The following GSR variants were observed in gnomAD, a reference collection of about 807,000 sequenced individuals.
GSR encodes glutathione-disulfide reductase.
Under a neutral mutation model 56.5 loss-of-function variants are expected in GSR, and 48 were observed. The ratio of observed to expected loss-of-function variants is 0.85; its 90% CI spans 0.67 to 1.08. The LOEUF (loss-of-function observed/expected upper bound fraction) is 1.08. GSR is among the 50% of genes least tolerant of loss of function. The pLI is 0.00. For missense variants in GSR, 694 were observed against 703.3 expected, an observed-to-expected ratio of 0.99 and a Z score of 0.15; for synonymous variants, 264 against 270.8, an observed-to-expected ratio of 0.97 and a Z score of 0.25.
At chr8:30,691,708 C>T (rs1048738352) in intron 8 of GSR, among the ~76,000 whole-genome samples, 27 of 151,338 alleles carry the variant, frequency 1.8e-4, no homozygotes, top group Admixed American at 1.4e-3. Flanking sequence ...AAATTAGATT[C>T]CATAATATTT....
Position 30,709,667 on chromosome 8 carries a change from TGTATACTTAAAA to T in GSR, c.422+135_422+146del, listed in dbSNP as rs1316558617. 3 of 694,076 alleles carry T rather than the reference TGTATACTTAAAA, an allele frequency of 4.3e-6. No homozygotes were observed. The Admixed American group carries it at 6.2e-5, about 14-fold the overall frequency. The allele number at this position is 694,076 out of a possible 1,614,324, so 43.0% of individuals were successfully genotyped here. A position where few individuals can be genotyped will look rare whatever the true frequency, so the allele number is the denominator to read the frequency against. On this transcript the variant is annotated intron_variant, in intron 3 of 12. Coordinates refer to ENST00000221130, the MANE Select transcript of GSR (RefSeq NM_000637.5). The stretch of plus-strand genomic sequence containing the variant: ...GTGAATGCGCTTAATGGCACTCAAT[TGTATACTTAAAA>T]ATGGCTAAACTGTAAATCTCGTATT...
At chr8:30,721,640 G>A (rs1200195081) in intron 1 of GSR, among the ~76,000 whole-genome samples, 2 of 141,364 alleles carry the variant, frequency 1.4e-5, no homozygotes, top group African/African-American at 5.0e-5. Flanking sequence ...GTGACAGAGT[G>A]AGACTTCGTG....
At chr8:30,724,565 T>TTTTTTG in intron 1 of GSR, among the ~76,000 whole-genome samples, 2 of 148,806 alleles carry the variant, frequency 1.3e-5, no homozygotes, top group Admixed American at 6.8e-5. Flanking sequence ...TTTTTTTTTT[T>TTTTTTG]TGAGACAGAG....
rs1469868804 is a variant in GSR at position 30,680,451 on chromosome 8, G to A, written c.1419+453C>T. ...GCTTTGTCTCCCAGGCTGGAGGGCA[G>A]TAGCATGATCTTGGCTCACTGCAAC... On this transcript the variant is annotated intron_variant, in intron 12 of 12. Coordinates refer to ENST00000221130, the MANE Select transcript of GSR (RefSeq NM_000637.5). Among the ~76,000 whole-genome samples, 3 of 133,298 alleles carry A rather than the reference G, an allele frequency of 2.3e-5. No individual in the cohort carries two copies. In the South Asian group the frequency reaches 7.9e-4, roughly 35 times the overall value. The allele number at this position is 133,298 out of a possible 152,430, so 87.4% of individuals were successfully genotyped here.
chr8:30,724,609 C>T lies in GSR; in HGVS notation c.306+2921G>A, dbSNP rs1452704393. ...TGTTGCCCACACTGGAGTGCAGAGG[C>T]ATGATCTTGGCTCACTGCAACCTCT... On this transcript the variant is annotated intron_variant, in intron 1 of 12. Transcript: ENST00000221130. Among the ~76,000 whole-genome samples the T allele has an allele frequency of 3.3e-5, 4 of 122,420 alleles. 1 individual carries two copies. In the South Asian group the frequency reaches 1.1e-3, roughly 34 times the overall value. The allele number at this position is 122,420 out of a possible 152,430, so 80.3% of individuals were successfully genotyped here. A position where few individuals can be genotyped will look rare whatever the true frequency, so the allele number is the denominator to read the frequency against.
intron 4 of GSR, among the ~76,000 whole-genome samples, chr8:30,705,131 T>TAA (rs201274639): frequency 6.9e-6 from 1 of 144,366 alleles, no homozygotes; most frequent in Non-Finnish European, 1.5e-5. Flanking sequence ...TCAGCTCCAT[T>TAA]AAAAAAAAAA....
intron 5 of GSR, among the ~76,000 whole-genome samples, chr8:30,701,419 TCC>T (rs1803736525): frequency 6.6e-6 from 1 of 151,482 alleles, no homozygotes. Context: ...TGAGCCAAGA[TCC>T]TCCCATTGCA....
chr8:30,695,465 C>T (rs993062785), intron 7 of GSR, among the ~76,000 whole-genome samples: 6 of 152,006 alleles, frequency 3.9e-5, no homozygotes, highest in South Asian at 2.1e-4. Context: ...AACTCCTGAC[C>T]TCAAGTGATC....
At chr8:30,681,240 AAAAG>A (rs1435926528) in intron 11 of GSR, among the ~76,000 whole-genome samples, 2 of 152,206 alleles carry the variant, frequency 1.3e-5, no homozygotes, top group African/African-American at 4.8e-5. Flanking sequence ...CCTCTAGATG[AAAAG>A]AAAGGCCAGG....
At chr8:30,690,131 TA>T (rs201813500) in intron 8 of GSR, among the ~76,000 whole-genome samples, 1,538 of 140,516 alleles carry the variant, frequency 0.011, 16 homozygotes, top group Non-Finnish European at 0.017. Flanking sequence ...TTTATATAAA[TA>T]TACATTTACA....
At position 30,689,422 on chromosome 8, in the gene GSR, A is replaced by C. The variant is rs1197330056; in HGVS notation, c.883-103T>G. 3.2e-6 allele frequency: 3 copies of C among 943,102 alleles called. No homozygotes were observed. The African/African-American group carries it at 4.8e-5, about 15-fold the overall frequency. 58.4% of individuals were successfully genotyped at this position (943,102 alleles called of 1,614,324 possible). ...AAACTAGAATTTTTAACATTAAAGAAAATCCCTACTGAATCCCACATACAA... is the reference window on the plus strand; with the variant it reads ...AAACTAGAATTTTTAACATTAAAGACAATCCCTACTGAATCCCACATACAA... On this transcript the variant is annotated intron_variant, in intron 8 of 12. Coordinates refer to ENST00000221130, the MANE Select transcript of GSR (RefSeq NM_000637.5).
At position 30,680,809 on chromosome 8, in the gene GSR, C is replaced by T; in HGVS notation, c.1419+95G>A. On this transcript the variant is annotated intron_variant, in intron 12 of 12. Coordinates refer to ENST00000221130, the MANE Select transcript of GSR (RefSeq NM_000637.5). ...GCCTGTCCAGTTGAATCAGAAGGCT[C>T]AACTGCTTGGTCTCCCTCCTTTCCA... 6.3e-6 allele frequency: 7 copies of T among 1,112,248 alleles called. No individual in the cohort carries two copies. The South Asian group carries it at 8.6e-5, about 14-fold the overall frequency. The allele number at this position is 1,112,248 out of a possible 1,614,324, so 68.9% of individuals were successfully genotyped here.
intron 10 of GSR, 84 bp from the exon 11 acceptor site, chr8:30,682,145 AC>A (rs1282966312): frequency 1.3e-5 from 14 of 1,084,626 alleles, no homozygotes; most frequent in Non-Finnish European, 4.3e-6. Context: ...TTATCCATCT[AC>A]CTTAATGCCC....
Position 30,694,986 on chromosome 8 carries a change from A to G in GSR, c.795+1394T>C, listed in dbSNP as rs182292363. 4.9e-3 allele frequency among the ~76,000 whole-genome samples: 746 copies of G among 151,432 alleles called. 4 individuals are homozygous for G. Among genetic ancestry groups the G allele is most frequent in the Non-Finnish European group, 8.2e-3 (560 of 67,896 alleles). On this transcript the variant is annotated intron_variant, in intron 7 of 12. Transcript: ENST00000221130. Reference sequence around the variant, plus strand: ...TGGAAGGCTGAGGCAGGAAAATCCTATGAGCTCAGAAGGCTGCAGTGAGCT... The same window carrying G: ...TGGAAGGCTGAGGCAGGAAAATCCTGTGAGCTCAGAAGGCTGCAGTGAGCT...
intron 5 of GSR, among the ~76,000 whole-genome samples, chr8:30,702,123 G>T (rs1211920551): frequency 6.6e-6 from 1 of 151,928 alleles, no homozygotes; most frequent in Non-Finnish European, 1.5e-5. Context: ...GCCGAGGTGG[G>T]CCCATGTGAC....
chr8:30,702,143 G>A (rs2128744100), intron 5 of GSR, among the ~76,000 whole-genome samples: 1 of 151,974 alleles, frequency 6.6e-6, no homozygotes, highest in Non-Finnish European at 1.5e-5. Flanking sequence ...CCAACATGGT[G>A]AAACTCTGTC....
Position 30,681,955 on chromosome 8 carries a change from A to AG in GSR, c.1259dup (p.Ile421TyrfsTer10). The stretch of plus-strand genomic sequence containing the variant: ...CTTCCGTGAGTCCCACTGTCCCAAT[A>AG]GGGGGGTGGCTGAAGACCACAGTTG... On this transcript the variant is annotated frameshift_variant, in exon 11 of 13. Coordinates refer to ENST00000221130, the MANE Select transcript of GSR (RefSeq NM_000637.5). LOFTEE classifies it high-confidence loss of function. The AG allele has an allele frequency of 6.2e-7, 1 of 1,613,490 alleles. No individual in the cohort carries two copies. Among genetic ancestry groups the AG allele is most frequent in the Non-Finnish European group, 8.5e-7 (1 of 1,179,392 alleles).
chr8:30,692,196 C>CTTTTTTT lies in GSR; in HGVS notation c.882+766_882+772dup, dbSNP rs71206279. Among the ~76,000 whole-genome samples the CTTTTTTT allele has an allele frequency of 5.0e-3, 380 of 76,476 alleles. 8 individuals carry two copies. The highest frequency in any genetic ancestry group is 0.011 in the East Asian group (23 of 2,006). The allele number at this position is 76,476 out of a possible 152,430, so 50.2% of individuals were successfully genotyped here. On this transcript the variant is annotated intron_variant, in intron 8 of 12. Transcript: ENST00000221130. The stretch of plus-strand genomic sequence containing the variant: ...CTTCAAGGCTGAATGTAAAATACAG[C>CTTTTTTT]TTTTTTTTTTTTTTTTTTTTTTTTT...
chr8:30,690,726 C>T (rs1286997379), intron 8 of GSR, among the ~76,000 whole-genome samples: 1 of 152,158 alleles, frequency 6.6e-6, no homozygotes, highest in Admixed American at 6.6e-5. Context: ...GAATAAAGCA[C>T]TTTGTAATTC....
Sources: gnomAD v4.1 joint callset for allele counts (sites outside exome capture counted in the v4.1 genomes callset) on GRCh38, gnomAD v4.1.1 for gene constraint, MANE v1.5 for transcripts, NCBI Gene and HGNC (gene_info 2026-07-23, HGNC 2026-07-21) for gene names.